TOP2B: variants seen among roughly 807,000 people sequenced by gnomAD.
TOP2B encodes DNA topoisomerase 2-beta.
A neutral mutation model predicts 193.5 loss-of-function variants in TOP2B; 51 were observed. The ratio of observed to expected loss-of-function variants is 0.26; its 90% CI spans 0.21 to 0.33. The LOEUF (loss-of-function observed/expected upper bound fraction) is 0.33. TOP2B is among the 10% of genes least tolerant of loss of function. TOP2B has a pLI of 1.00. For synonymous variants in TOP2B, 634 were observed against 635.7 expected, an observed-to-expected ratio of 1.00 and a Z score of 0.04; for missense variants, 1,378 against 1,909.3, an observed-to-expected ratio of 0.72 and a Z score of 5.19.
intron 26 of TOP2B, 53 bp from the exon 27 acceptor site, chr3:25,615,341 G>A: frequency 6.4e-7 from 1 of 1,564,698 alleles, no homozygotes; most frequent in Non-Finnish European, 8.6e-7. Context: ...ACATATGAAG[G>A]ATAAATCAAA....
chr3:25,664,802 C>A lies in TOP2B; in HGVS notation c.-505G>T. On this transcript the variant is annotated 5_prime_UTR_variant, in exon 1 of 36. Coordinates refer to ENST00000264331, the MANE Select transcript of TOP2B (RefSeq NM_001330700.2). ...TTCAAAGGCAGCCTTAGCCTCGCTG[C>A]AGCCCCGATTTCCTCACACACACAC... 1.0e-6 allele frequency: 1 copy of A among 987,314 alleles called. No homozygotes were observed. The highest frequency in any genetic ancestry group is 1.2e-6 in the Non-Finnish European group (1 of 829,284). The allele number at this position is 987,314 out of a possible 1,614,324, so 61.2% of individuals were successfully genotyped here. A position where few individuals can be genotyped will look rare whatever the true frequency, so the allele number is the denominator to read the frequency against.
At position 25,632,814 on chromosome 3, in the gene TOP2B, T is replaced by C. The variant is rs1214307586; in HGVS notation, c.1027-20A>G. 3.2e-6 allele frequency: 5 copies of C among 1,586,238 alleles called. No individual in the cohort carries two copies. Among genetic ancestry groups the C allele is most frequent in the Admixed American group, 1.7e-5 (1 of 59,110 alleles). On this transcript the variant is annotated intron_variant, in intron 8 of 35. Coordinates refer to ENST00000264331, the MANE Select transcript of TOP2B (RefSeq NM_001330700.2). ...TCCACCCTAAAGAAAAAAAAATATA[T>C]GAAATCTGAAATCCTGTATTGTTAA... is the stretch of plus-strand genomic sequence containing the variant.
intron 1 of TOP2B, among the ~76,000 whole-genome samples, chr3:25,650,114 T>A (rs1303985437): frequency 6.6e-6 from 1 of 152,190 alleles, no homozygotes; most frequent in East Asian, 1.9e-4. Flanking sequence ...GATGGATGCC[T>A]AATTATTTAT....
At chr3:25,609,547 A>G (rs1252818461) in intron 29 of TOP2B, 21 bp downstream of exon 29, 2 of 1,601,158 alleles carry the variant, frequency 1.2e-6, no homozygotes, top group Admixed American at 1.7e-5. Flanking sequence ...ACACACATGC[A>G]AAACTATAAT....
intron 25 of TOP2B, 190 bp from the exon 26 acceptor site, chr3:25,615,776 C>T (rs896866437): frequency 4.0e-5 from 17 of 424,826 alleles, no homozygotes; most frequent in African/African-American, 1.6e-4. Context: ...TTTCTAAAGA[C>T]GCACAATAAG....
intron 28 of TOP2B, 132 bp from the exon 29 acceptor site, chr3:25,609,844 C>CA: frequency 1.2e-6 from 1 of 818,662 alleles, no homozygotes; most frequent in South Asian, 2.6e-5. Flanking sequence ...GAGGTCCTAA[C>CA]AGCTGACTTT....
intron 13 of TOP2B, 22 bp from the exon 14 acceptor site, chr3:25,629,167 A>G (rs1402645075): frequency 1.6e-5 from 24 of 1,479,118 alleles, no homozygotes; most frequent in Non-Finnish European, 2.1e-5. Context: ...TTAGTAAAGT[A>G]AAAAATGTTG....
At chr3:25,618,602 A>AG in intron 24 of TOP2B, 52 bp downstream of exon 24, 1 of 1,385,142 alleles carries the variant, frequency 7.2e-7, no homozygotes, top group Non-Finnish European at 9.8e-7. Context: ...CTATTAATAA[A>AG]GTTTTTTTTC....
chr3:25,655,830 C>CA (rs1559510791), intron 1 of TOP2B, among the ~76,000 whole-genome samples: 2 of 152,070 alleles, frequency 1.3e-5, no homozygotes, highest in Non-Finnish European at 2.9e-5. Flanking sequence ...CCACAGTAAT[C>CA]AAAATCATAG....
intron 23 of TOP2B, among the ~76,000 whole-genome samples, chr3:25,619,439 A>G (rs1466774318): frequency 6.6e-6 from 1 of 152,106 alleles, no homozygotes; most frequent in Admixed American, 6.6e-5. Context: ...AACTTGAATC[A>G]CACACTTAAA....
At chr3:25,639,419 T>G (rs1240515152) in intron 4 of TOP2B, among the ~76,000 whole-genome samples, 1 of 152,176 alleles carries the variant, frequency 6.6e-6, no homozygotes. Flanking sequence ...GCAATTCTCC[T>G]GCCTCAGCCT....
In TOP2B at chr3:25,664,422, C is replaced by G; in HGVS notation, c.-125G>C. ...GCCGCACTCCTAGCCGCGCCGACCC[C>G]CGCGCCCCATCGCGAAGATCCGGAG... On this transcript the variant is annotated 5_prime_UTR_variant, in exon 1 of 36. Coordinates refer to ENST00000264331, the MANE Select transcript of TOP2B (RefSeq NM_001330700.2). 7.9e-7 allele frequency: 1 copy of G among 1,270,838 alleles called. No homozygotes were observed. Among genetic ancestry groups the G allele is most frequent in the African/African-American group, 1.6e-5 (1 of 63,794 alleles). 78.7% of individuals were successfully genotyped at this position (1,270,838 alleles called of 1,614,324 possible). A position where few individuals can be genotyped will look rare whatever the true frequency, so the allele number is the denominator to read the frequency against.
At chr3:25,622,802 G>A (rs979094660) in intron 21 of TOP2B, among the ~76,000 whole-genome samples, 9 of 151,978 alleles carry the variant, frequency 5.9e-5, no homozygotes, top group Non-Finnish European at 1.0e-4. Flanking sequence ...CAGCACACCC[G>A]GCTAATTTTT....
intron 1 of TOP2B, among the ~76,000 whole-genome samples, chr3:25,650,566 T>C (rs1481529272): frequency 6.6e-6 from 1 of 152,246 alleles, no homozygotes; most frequent in Non-Finnish European, 1.5e-5. Context: ...CTAGGCACAA[T>C]GGTTTTGGCA....
rs1316753987 is a variant in TOP2B at position 25,624,769 on chromosome 3, G to C, written c.2259C>G (p.Thr753=). Residue 753 remains threonine (T), a synonymous_variant, in exon 19 of 36, where the codon ACC becomes ACG. Transcript: ENST00000264331. ...FKPGQRKVLF[T]CFKRNDKREV... Reference sequence around the variant, plus strand: ...CACGTTTATCATTCCTCTTGAAACAGGTAAATAAAACTTTCCGCTGGCCAG... The same window carrying C: ...CACGTTTATCATTCCTCTTGAAACACGTAAATAAAACTTTCCGCTGGCCAG... 1.2e-6 allele frequency: 2 copies of C among 1,613,488 alleles called. No homozygotes were observed. The highest frequency in any genetic ancestry group is 1.7e-5 in the Admixed American group (1 of 59,978).
At chr3:25,655,898 A>C (rs76249266) in intron 1 of TOP2B, among the ~76,000 whole-genome samples, 7 of 152,316 alleles carry the variant, frequency 4.6e-5, no homozygotes, top group African/African-American at 1.7e-4. Flanking sequence ...ATTAGTGTTT[A>C]GTAGATATAG....
intron 3 of TOP2B, among the ~76,000 whole-genome samples, chr3:25,643,072 CAGA>C (rs941782408): frequency 1.3e-5 from 2 of 152,130 alleles, no homozygotes; most frequent in Admixed American, 6.5e-5. Context: ...CAAATACCAA[CAGA>C]AGAAGTTCTG....
intron 4 of TOP2B, among the ~76,000 whole-genome samples, chr3:25,638,514 C>T (rs992397462): frequency 4.0e-5 from 6 of 151,272 alleles, no homozygotes; most frequent in Non-Finnish European, 7.4e-5. Context: ...TTCCCTGAGT[C>T]GTAACTAATA....
At position 25,624,407 on chromosome 3, in the gene TOP2B, G is replaced by C; in HGVS notation, c.2385C>G (p.Asn795Lys). Residue 795 changes from asparagine to lysine, a missense_variant, in exon 20 of 36, where the codon AAC becomes AAG. Around this residue, in one of 9 missense-constraint regions of TOP2B, gnomAD observed 379 missense variants for 615.1 expected, o/e 0.62. Coordinates refer to ENST00000264331, the MANE Select transcript of TOP2B (RefSeq NM_001330700.2). The stretch of plus-strand genomic sequence containing the variant: ...AGTTAATGTTGTTACTTCCCACAAA[G>C]TTCTGAGCCAAATTCACAATAGTCA... ...LMMTIVNLAQ[N>K]FVGSNNINLL... is the part of the protein sequence containing the mutation. 1.2e-6 allele frequency: 2 copies of C among 1,613,886 alleles called. No homozygotes were observed. The highest frequency in any genetic ancestry group is 1.7e-6 in the Non-Finnish European group (2 of 1,179,842).
Sources: allele counts gnomAD v4.1 joint callset (sites outside exome capture counted in the v4.1 genomes callset), GRCh38; gene constraint gnomAD v4.1.1; regional missense constraint gnomAD v4.1.1; transcripts MANE v1.5; gene names NCBI Gene and HGNC (gene_info 2026-07-23, HGNC 2026-07-21).